XIRP2: variants seen among roughly 807,000 people sequenced by gnomAD.
XIRP2 encodes xin actin binding repeat containing 2, also known as xin actin-binding repeat-containing protein 2.
A neutral mutation model predicts 277.0 loss-of-function variants in XIRP2; 236 were observed. The observed-to-expected ratio is 0.85, with a 90% confidence interval of 0.77 to 0.95. The LOEUF (loss-of-function observed/expected upper bound fraction) is 0.95, where lower values mean the gene tolerates loss of function less well. Among genes scored for constraint, XIRP2 ranks in the 40% least tolerant of loss-of-function variants. The probability of loss-of-function intolerance (pLI) is 0.00; values close to 1 mark genes in which losing one functional copy is unlikely to be tolerated. For missense variants in XIRP2, 4,640 were observed against 4,157.5 expected, an observed-to-expected ratio of 1.12 and a Z score of -3.19; for synonymous variants, 1,490 against 1,416.5, an observed-to-expected ratio of 1.05 and a Z score of -1.17.
In XIRP2 at chr2:167,246,552, A is replaced by T; in HGVS notation, c.5160A>T (p.Leu1720Phe). 1.2e-6 allele frequency: 2 copies of T among 1,613,716 alleles called. No homozygotes were observed. Among genetic ancestry groups the T allele is most frequent in the Non-Finnish European group, 1.7e-6 (2 of 1,179,792 alleles). Residue 1720 changes from leucine (L) to phenylalanine (F), a missense_variant, in exon 9 of 11, where the codon TTA becomes TTT. By Grantham distance (22) the Leu-to-Phe change is conservative. Coordinates refer to ENST00000409195, the MANE Select transcript of XIRP2 (RefSeq NM_152381.6). ...ATGTCAAACGTACCATTCATAATTTATTGTCTTCCACATCAAACAATAAAA... is the reference window on the plus strand; with the variant it reads ...ATGTCAAACGTACCATTCATAATTTTTTGTCTTCCACATCAAACAATAAAA... ...GGDVKRTIHNLLSSTSNNKIS... is the reference protein window; with the variant it reads ...GGDVKRTIHNFLSSTSNNKIS...
At chr2:167,100,031 C>T (rs1460175672) in intron 2 of XIRP2, among the ~76,000 whole-genome samples, 3 of 151,880 alleles carry the variant, frequency 2.0e-5, no homozygotes, top group South Asian at 4.1e-4. Context: ...TTCCTCACAA[C>T]GACACTGAGA....
rs79015112 is a variant in XIRP2 at position 167,228,250 on chromosome 2, G to A, written c.858+9950G>A. 3.3e-3 allele frequency among the ~76,000 whole-genome samples: 496 copies of A among 152,252 alleles called. 23 individuals are homozygous for A. The East Asian group carries it at 0.068, about 21-fold the overall frequency. On this transcript the variant is annotated intron_variant, in intron 5 of 10. Coordinates refer to ENST00000409195, the MANE Select transcript of XIRP2 (RefSeq NM_152381.6). ...AGCCGCTGGTAGTTGCTAACTGTCTGCTGAGGCATGATCATAAAGTTTCAG... is the reference window on the plus strand; with the variant it reads ...AGCCGCTGGTAGTTGCTAACTGTCTACTGAGGCATGATCATAAAGTTTCAG...
intron 2 of XIRP2, among the ~76,000 whole-genome samples, chr2:167,023,688 C>G (rs1295324553): frequency 6.6e-6 from 1 of 152,066 alleles, no homozygotes. Flanking sequence ...AGCCAGTTTT[C>G]CCAGCACCAT....
At chr2:167,155,119 A>T (rs201372386) in intron 3 of XIRP2, among the ~76,000 whole-genome samples, 8,962 of 141,718 alleles carry the variant, frequency 0.063, 326 homozygotes, top group Middle Eastern at 0.11. Context: ...TTACCAACCA[A>T]AAAGACTCCA....
intron 3 of XIRP2, among the ~76,000 whole-genome samples, chr2:167,194,286 G>A (rs961539694): frequency 3.3e-5 from 5 of 151,794 alleles, no homozygotes; most frequent in African/African-American, 7.3e-5. Flanking sequence ...TCACCATGTC[G>A]GGCAGGCTAG....
intron 9 of XIRP2, among the ~76,000 whole-genome samples, chr2:167,253,771 A>G (rs566793645): frequency 9.9e-5 from 15 of 151,900 alleles, no homozygotes; most frequent in Non-Finnish European, 2.9e-5. Flanking sequence ...TATTTTACTC[A>G]TGTATGTTTT....
At chr2:167,120,855 C>T (rs112340454) in intron 2 of XIRP2, among the ~76,000 whole-genome samples, 4,621 of 152,214 alleles carry the variant, frequency 0.03, 78 homozygotes, top group East Asian at 0.05. Context: ...ATACACTACT[C>T]GAGAAATCTC....
chr2:166,940,205 A>G (rs936924855), intron 2 of XIRP2, among the ~76,000 whole-genome samples: 2 of 152,110 alleles, frequency 1.3e-5, no homozygotes, highest in African/African-American at 4.8e-5. Context: ...TTGATCTTCA[A>G]TCACTGATAC....
intron 2 of XIRP2, among the ~76,000 whole-genome samples, chr2:166,996,761 T>A (rs986833285): frequency 3.9e-5 from 6 of 152,146 alleles, no homozygotes; most frequent in Non-Finnish European, 2.9e-5. Flanking sequence ...TGTGCTGGGT[T>A]GAGCACCCCT....
intron 2 of XIRP2, among the ~76,000 whole-genome samples, chr2:167,023,209 C>T (rs984174227): frequency 3.8e-4 from 58 of 152,094 alleles, no homozygotes; most frequent in African/African-American, 1.3e-3. Flanking sequence ...TGGCCATTGA[C>T]GGTTAGCATT....
intron 2 of XIRP2, among the ~76,000 whole-genome samples, chr2:166,955,145 A>T (rs548995251): frequency 2.0e-5 from 3 of 152,030 alleles, no homozygotes; most frequent in Admixed American, 2.0e-4. Flanking sequence ...ATAAGAGACA[A>T]AAATGGGAAA....
chr2:167,210,675 G>T, intron 3 of XIRP2, 60 bp from the exon 4 acceptor site: 1 of 1,585,530 alleles, frequency 6.3e-7, no homozygotes, highest in South Asian at 1.1e-5. Flanking sequence ...TTTATAAGGT[G>T]ATGCTGTTTT....
At chr2:167,011,702 T>C (rs1687683883) in intron 2 of XIRP2, among the ~76,000 whole-genome samples, 1 of 151,444 alleles carries the variant, frequency 6.6e-6, no homozygotes, top group African/African-American at 2.4e-5. Flanking sequence ...CATCTGGTCC[T>C]GGACTCTTTT....
At chr2:166,963,332 A>G (rs1294024822) in intron 2 of XIRP2, among the ~76,000 whole-genome samples, 1 of 151,682 alleles carries the variant, frequency 6.6e-6, no homozygotes, top group African/African-American at 2.4e-5. Context: ...TCATTCGTTC[A>G]TTCATTCATT....
At chr2:167,175,081 T>C (rs924029704) in intron 3 of XIRP2, among the ~76,000 whole-genome samples, 3 of 152,178 alleles carry the variant, frequency 2.0e-5, no homozygotes, top group African/African-American at 7.2e-5. Context: ...GAGAGTTCTG[T>C]AGATGTCTAT....
At chr2:167,175,499 T>C (rs1394545932) in intron 3 of XIRP2, among the ~76,000 whole-genome samples, 1 of 152,132 alleles carries the variant, frequency 6.6e-6, no homozygotes, top group Admixed American at 6.5e-5. Flanking sequence ...GCCTGTTCCT[T>C]CCTCTGGAAG....
At chr2:166,938,889 G>C (rs1162583911) in intron 2 of XIRP2, among the ~76,000 whole-genome samples, 1 of 152,130 alleles carries the variant, frequency 6.6e-6, no homozygotes, top group East Asian at 1.9e-4. Context: ...TTTAAAGTCT[G>C]TTTTATCCAA....
intron 5 of XIRP2, among the ~76,000 whole-genome samples, chr2:167,219,031 G>C (rs973275828): frequency 6.6e-6 from 1 of 151,964 alleles, no homozygotes; most frequent in African/African-American, 2.4e-5. Flanking sequence ...AAATTTTGTA[G>C]TGAGAAATGA....
At chr2:166,932,962 T>A (rs985704744) in intron 2 of XIRP2, among the ~76,000 whole-genome samples, 7 of 152,132 alleles carry the variant, frequency 4.6e-5, no homozygotes, top group Admixed American at 1.3e-4. Flanking sequence ...TAATAAATAT[T>A]AAAACCTGGT....
Sources: allele counts gnomAD v4.1 joint callset (sites outside exome capture counted in the v4.1 genomes callset), GRCh38; gene constraint gnomAD v4.1.1; transcripts MANE v1.5; gene names NCBI Gene and HGNC (gene_info 2026-07-23, HGNC 2026-07-21).